STARD3NL: variants seen among roughly 807,000 people sequenced by gnomAD.
STARD3NL encodes the protein STARD3 N-terminal like.
Under a neutral mutation model 30.9 loss-of-function variants are expected in STARD3NL, and 17 were observed. The ratio of observed to expected loss-of-function variants is 0.55; its 90% CI spans 0.38 to 0.82. STARD3NL has a LOEUF of 0.82. STARD3NL is among the 40% of genes least tolerant of loss of function. The pLI, the probability that STARD3NL is intolerant of heterozygous loss-of-function variation, is 0.00. For synonymous variants in STARD3NL, 112 were observed against 100.5 expected (o/e 1.11, Z -0.69); for missense variants, 234 against 277.6 (o/e 0.84, Z 1.12).
chr7:38,223,522 A>C (rs1158405610), intron 7 of STARD3NL, among the ~76,000 whole-genome samples: 1 of 152,236 alleles, frequency 6.6e-6, no homozygotes, highest in Non-Finnish European at 1.5e-5. Flanking sequence ...GTGCAAGTCT[A>C]GATAAGGCAT....
intron 6 of STARD3NL, among the ~76,000 whole-genome samples, chr7:38,217,925 A>G (rs1424550365): frequency 1.3e-5 from 2 of 152,212 alleles, no homozygotes; most frequent in Admixed American, 6.5e-5. Flanking sequence ...TCCTCTGAGT[A>G]GCTGAGTCAT....
At chr7:38,192,364 G>A (rs1462550148) in intron 1 of STARD3NL, among the ~76,000 whole-genome samples, 1 of 152,166 alleles carries the variant, frequency 6.6e-6, no homozygotes, top group South Asian at 2.1e-4. Flanking sequence ...AGAGGTCTGT[G>A]TACACTCTTC....
intron 2 of STARD3NL, among the ~76,000 whole-genome samples, chr7:38,210,859 A>T (rs1431199416): frequency 6.6e-6 from 1 of 152,206 alleles, no homozygotes; most frequent in African/African-American, 2.4e-5. Flanking sequence ...GCGTTCTAGA[A>T]AATGTCATAA....
intron 6 of STARD3NL, 112 bp downstream of exon 6, chr7:38,217,417 G>A: frequency 2.1e-6 from 2 of 945,212 alleles, no homozygotes; most frequent in Non-Finnish European, 3.2e-6. Context: ...TTAGGCAGTG[G>A]TGGGGTCTTC....
intron 1 of STARD3NL, among the ~76,000 whole-genome samples, chr7:38,197,136 T>TTTTCTCTCTTTCTTTCTTTC (rs1784938576): frequency 8.9e-6 from 1 of 112,276 alleles, no homozygotes; most frequent in Non-Finnish European, 1.8e-5. Context: ...GCATTACCTT[T>TTTTCTCTCTTTCTTTCTTTC]TTTCTTTCTT....
At chr7:38,202,015 T>C (rs1179438678) in intron 1 of STARD3NL, 1 of 152,236 alleles carries the variant, frequency 6.6e-6, no homozygotes, top group Non-Finnish European at 1.5e-5. Flanking sequence ...ACTTAAAATA[T>C]GTGTTTCATC....
intron 1 of STARD3NL, among the ~76,000 whole-genome samples, chr7:38,181,872 G>C (rs1189268834): frequency 1.3e-5 from 2 of 152,058 alleles, no homozygotes; most frequent in Non-Finnish European, 2.9e-5. Context: ...TCCAGCTTCA[G>C]TGCCATTACT....
At chr7:38,219,806 G>A (rs1416838344) in intron 7 of STARD3NL, 146 bp downstream of exon 7, 4 of 606,618 alleles carry the variant, frequency 6.6e-6, no homozygotes, top group South Asian at 2.0e-5. Context: ...GGTGAGACAC[G>A]GTCTCACATG....
intron 4 of STARD3NL, chr7:38,215,704 C>A (rs1786067948): frequency 1.3e-5 from 2 of 152,338 alleles, no homozygotes; most frequent in South Asian, 4.1e-4. Context: ...TGACAGATGT[C>A]TGAATATTTG....
rs1784092576 is a variant in STARD3NL at position 38,178,266 on chromosome 7, CG to C, written c.-209del. 6.6e-6 allele frequency: 1 copy of C among 152,426 alleles called. No individual in the cohort carries two copies. The highest frequency in any genetic ancestry group is 1.9e-4 in the East Asian group (1 of 5,166). 9.4% of individuals were successfully genotyped at this position (152,426 alleles called of 1,614,324 possible). ...TGCTGACGTCACGGGCCGGAGGTCC[CG>C]GGGCTGCTGGGTGCGGGCGGTGGGC... On this transcript the variant is annotated 5_prime_UTR_variant, in exon 1 of 9. Transcript: ENST00000009041.
intron 1 of STARD3NL, among the ~76,000 whole-genome samples, chr7:38,197,136 T>TTTTCTTTCCTTC (rs1784939078): frequency 8.9e-6 from 1 of 112,276 alleles, no homozygotes; most frequent in African/African-American, 3.4e-5. Context: ...GCATTACCTT[T>TTTTCTTTCCTTC]TTTCTTTCTT....
At chr7:38,186,175 A>G (rs1467385090) in intron 1 of STARD3NL, among the ~76,000 whole-genome samples, 1 of 152,222 alleles carries the variant, frequency 6.6e-6, no homozygotes, top group African/African-American at 2.4e-5. Context: ...AGGAATATTT[A>G]TATGTACACT....
chr7:38,208,236 A>G (rs1304214003), intron 2 of STARD3NL, among the ~76,000 whole-genome samples: 9 of 152,172 alleles, frequency 5.9e-5, no homozygotes, highest in Non-Finnish European at 1.2e-4. Flanking sequence ...TATGTTTTAG[A>G]TGTTTCATGT....
chr7:38,219,856 A>T (rs1786349632), intron 7 of STARD3NL, among the ~76,000 whole-genome samples, 196 bp downstream of exon 7: 1 of 152,184 alleles, frequency 6.6e-6, no homozygotes, highest in African/African-American at 2.4e-5. Context: ...AATAAATGTC[A>T]TGGAGGAGTG....
chr7:38,226,818 G>A (rs1009275118), intron 7 of STARD3NL, among the ~76,000 whole-genome samples: 12 of 152,128 alleles, frequency 7.9e-5, no homozygotes, highest in African/African-American at 2.7e-4. Flanking sequence ...CAAACTAAGC[G>A]ATCTCCCTTC....
At chr7:38,192,186 C>T (rs1784715448) in intron 1 of STARD3NL, among the ~76,000 whole-genome samples, 1 of 152,000 alleles carries the variant, frequency 6.6e-6, no homozygotes, top group South Asian at 2.1e-4. Context: ...TTCTCTTTCT[C>T]TTTCTGTGTC....
At chr7:38,222,090 G>C (rs1435483620) in intron 7 of STARD3NL, among the ~76,000 whole-genome samples, 1 of 151,752 alleles carries the variant, frequency 6.6e-6, no homozygotes, top group Non-Finnish European at 1.5e-5. Context: ...TTGTAAACTT[G>C]AGTTAGAGAC....
At chr7:38,229,839 CT>C (rs1403606849) in intron 8 of STARD3NL, 83 bp from the exon 9 acceptor site, 5 of 152,216 alleles carry the variant, frequency 3.3e-5, no homozygotes, top group African/African-American at 1.2e-4. Context: ...AGCACACAGA[CT>C]TTTATGTACA....
intron 7 of STARD3NL, among the ~76,000 whole-genome samples, chr7:38,220,648 C>T (rs1786402977): frequency 6.6e-6 from 1 of 152,138 alleles, no homozygotes; most frequent in African/African-American, 2.4e-5. Flanking sequence ...GGTATGTACC[C>T]AAAGGAAATG....
Sources: gnomAD v4.1 joint callset for allele counts (sites outside exome capture counted in the v4.1 genomes callset) on GRCh38, gnomAD v4.1.1 for gene constraint, MANE v1.5 for transcripts, NCBI Gene and HGNC (gene_info 2026-07-23, HGNC 2026-07-21) for gene names.